The following SMYD3 variants were observed in gnomAD, a reference collection of about 807,000 sequenced individuals.
SMYD3 encodes histone-lysine N-methyltransferase SMYD3.
Under a neutral mutation model 57.7 loss-of-function variants are expected in SMYD3, and 36 were observed. The observed-to-expected ratio is 0.62, with a 90% CI of 0.48 to 0.82. The LOEUF (loss-of-function observed/expected upper bound fraction) is 0.82, where lower values mean the gene tolerates loss of function less well. Among genes scored for constraint, SMYD3 ranks in the 40% least tolerant of loss-of-function variants. The pLI is 0.00. For synonymous variants in SMYD3, 211 were observed against 195.0 expected, an observed-to-expected ratio of 1.08 and a Z score of -0.68; for missense variants, 515 against 538.8, an observed-to-expected ratio of 0.96 and a Z score of 0.44.
chr1:246,395,726 A>ACG lies in SMYD3; in HGVS notation c.165-40633_165-40632insCG, dbSNP rs398069704. 4.2e-5 allele frequency among the ~76,000 whole-genome samples: 4 copies of ACG among 95,542 alleles called. No individual in the cohort carries two copies. In the South Asian group the frequency reaches 1.3e-3, roughly 32 times the overall value. 62.7% of individuals were successfully genotyped at this position (95,542 alleles called of 152,430 possible). A position where few individuals can be genotyped will look rare whatever the true frequency, so the allele number is the denominator to read the frequency against. ...GCTGGACAGGGAAGACGAACACACCAGTCAGACAGGGAAGACGAACCCACC... is the reference window on the plus strand; with the variant it reads ...GCTGGACAGGGAAGACGAACACACCACGGTCAGACAGGGAAGACGAACCCACC... On this transcript the variant is annotated intron_variant, in intron 1 of 11. Transcript: ENST00000490107.
At chr1:245,841,986 C>T (rs4654132) in intron 10 of SMYD3, among the ~76,000 whole-genome samples, 82,165 of 151,904 alleles carry the variant, frequency 0.54, 24,816 homozygotes, top group Non-Finnish European at 0.69. Flanking sequence ...TCTATGTTTA[C>T]ATACACAAAT....
intron 5 of SMYD3, among the ~76,000 whole-genome samples, chr1:246,029,647 G>A (rs2059633128): frequency 1.4e-5 from 2 of 147,966 alleles, no homozygotes; most frequent in Middle Eastern, 3.5e-3. Flanking sequence ...ACTCCAGCCT[G>A]GCTGACAGAG....
At chr1:245,813,206 C>G (rs368445897) in intron 10 of SMYD3, among the ~76,000 whole-genome samples, 2 of 151,680 alleles carry the variant, frequency 1.3e-5, no homozygotes, top group Non-Finnish European at 2.9e-5. Flanking sequence ...GGAGAGACGG[C>G]GTTTCACTAT....
At chr1:246,280,533 G>T (rs1342252991) in intron 5 of SMYD3, among the ~76,000 whole-genome samples, 1 of 152,150 alleles carries the variant, frequency 6.6e-6, no homozygotes, top group African/African-American at 2.4e-5. Flanking sequence ...TGAGGCAGGA[G>T]GATTGCTTGA....
rs555438837 is a variant in SMYD3, at chr1:245,884,363, A to G, written c.814-20477T>C. Among the ~76,000 whole-genome samples the G allele has an allele frequency of 1.6e-4, 25 of 152,260 alleles. 1 individual carries two copies. In the Middle Eastern group the frequency reaches 0.01, roughly 62 times the overall value. On this transcript the variant is annotated intron_variant, in intron 8 of 11. Transcript: ENST00000490107. ...AGGTTTAATGGGCAAAAGAAAGAGA[A>G]AAGAGAATAAGCTCTCTCTTCTGCA...
rs926100152 is a variant in SMYD3 at position 245,929,862 on chromosome 1, C to T, written c.599+8G>A. On this transcript the variant is annotated splice_region_variant and intron_variant, in intron 6 of 11. Transcript: ENST00000490107. ...GTCTTCCAGTACATGAAGTACCATA[C>T]ACCATACCTGGGATATAGGCCAACA... The T allele has an allele frequency of 6.2e-7, 1 of 1,608,242 alleles. No homozygotes were observed. The highest frequency in any genetic ancestry group is 1.3e-5 in the African/African-American group (1 of 74,786).
At chr1:246,352,990 C>T (rs1010758281) in intron 2 of SMYD3, among the ~76,000 whole-genome samples, 4 of 152,094 alleles carry the variant, frequency 2.6e-5, no homozygotes, top group Non-Finnish European at 5.9e-5. Flanking sequence ...TCTGAAGTTC[C>T]TAGAAACAAA....
intron 5 of SMYD3, among the ~76,000 whole-genome samples, chr1:246,263,061 T>G (rs975871989): frequency 3.3e-5 from 5 of 152,184 alleles, no homozygotes; most frequent in African/African-American, 1.2e-4. Context: ...AAATATCACA[T>G]GGGAATGGTC....
chr1:246,474,699 G>T (rs1198816085), intron 1 of SMYD3, among the ~76,000 whole-genome samples: 6 of 152,078 alleles, frequency 3.9e-5, no homozygotes, highest in Non-Finnish European at 7.4e-5. Flanking sequence ...TACTGCAGAG[G>T]TCAGCAACTC....
chr1:246,176,709 G>C (rs1242901931), intron 5 of SMYD3, among the ~76,000 whole-genome samples: 4 of 152,080 alleles, frequency 2.6e-5, no homozygotes, highest in Non-Finnish European at 5.9e-5. Flanking sequence ...TTTTTGCAGA[G>C]ACAGGGTTTT....
chr1:246,046,366 A>G (rs1314467640), intron 5 of SMYD3, among the ~76,000 whole-genome samples: 1 of 152,142 alleles, frequency 6.6e-6, no homozygotes, highest in Non-Finnish European at 1.5e-5. Context: ...TCAGCAAACT[A>G]TCGCAAGGAC....
intron 5 of SMYD3, among the ~76,000 whole-genome samples, chr1:246,007,242 C>T (rs1195688157): frequency 2.6e-5 from 4 of 152,182 alleles, no homozygotes; most frequent in Non-Finnish European, 5.9e-5. Flanking sequence ...GAAGCATGTG[C>T]GTTTGTCTTT....
At chr1:246,020,132 T>G (rs1409744324) in intron 5 of SMYD3, among the ~76,000 whole-genome samples, 1 of 152,236 alleles carries the variant, frequency 6.6e-6, no homozygotes, top group Non-Finnish European at 1.5e-5. Context: ...CCTGTCCTAC[T>G]GACGGATTTG....
intron 5 of SMYD3, among the ~76,000 whole-genome samples, chr1:245,968,256 CG>C (rs1431480942): frequency 2.1e-5 from 3 of 139,620 alleles, no homozygotes; most frequent in Non-Finnish European, 4.6e-5. Flanking sequence ...GAGGCTCTCA[CG>C]TCCTTCTCAT....
chr1:245,843,697 G>A (rs985618633), intron 10 of SMYD3, among the ~76,000 whole-genome samples: 1 of 152,064 alleles, frequency 6.6e-6, no homozygotes, highest in Non-Finnish European at 1.5e-5. Flanking sequence ...ATGTTGTCTT[G>A]GAACCAGTCG....
chr1:246,362,465 ACGGTCTCCCTCTCCCTC>A (rs1168606515), intron 1 of SMYD3, among the ~76,000 whole-genome samples: 5 of 121,296 alleles, frequency 4.1e-5, no homozygotes, highest in Non-Finnish European at 8.3e-5. Flanking sequence ...CTCCCTCTCC[ACGGTCTCCCTCTCCCTC>A]TCTTTCCACG....
chr1:246,325,278 G>A lies in SMYD3; in HGVS notation c.531+1923C>T, dbSNP rs79135214. Among the ~76,000 whole-genome samples, 184 of 45,928 alleles carry A rather than the reference G, an allele frequency of 4.0e-3. 13 individuals carry two copies. Among genetic ancestry groups the A allele is most frequent in the Non-Finnish European group, 7.0e-3 (123 of 17,564 alleles). The allele number at this position is 45,928 out of a possible 152,430, so 30.1% of individuals were successfully genotyped here. ...AGGAGGGAGAAGGAGTCGGGGGGGCGGGAAGGAGGGAGAAGGAGTTGGGGG... is the reference window on the plus strand; with the variant it reads ...AGGAGGGAGAAGGAGTCGGGGGGGCAGGAAGGAGGGAGAAGGAGTTGGGGG... On this transcript the variant is annotated intron_variant, in intron 5 of 11. Transcript: ENST00000490107.
At chr1:246,295,989 T>C (rs2064786628) in intron 5 of SMYD3, among the ~76,000 whole-genome samples, 1 of 152,220 alleles carries the variant, frequency 6.6e-6, no homozygotes, top group Non-Finnish European at 1.5e-5. Flanking sequence ...TGTATGCATG[T>C]ATGCATGCGG....
intron 10 of SMYD3, among the ~76,000 whole-genome samples, chr1:245,816,907 G>A (rs949905288): frequency 1.4e-5 from 2 of 144,434 alleles, no homozygotes; most frequent in South Asian, 2.1e-4. Flanking sequence ...ACCCGACGGA[G>A]TCTCGCTGAT....
Sources: allele counts gnomAD v4.1 joint callset (sites outside exome capture counted in the v4.1 genomes callset), GRCh38; gene constraint gnomAD v4.1.1; transcripts MANE v1.5; gene names NCBI Gene and HGNC (gene_info 2026-07-23, HGNC 2026-07-21).